EYS: variants seen among roughly 807,000 people sequenced by gnomAD.
EYS encodes protein eyes shut homolog.
A neutral mutation model predicts 282.1 loss-of-function variants in EYS; 250 were observed. The ratio of observed to expected loss-of-function variants is 0.89; its 90% CI spans 0.80 to 0.98. The LOEUF (loss-of-function observed/expected upper bound fraction) is 0.98. EYS is among the 50% of genes least tolerant of loss of function. The pLI, the probability that EYS is intolerant of heterozygous loss-of-function variation, is 0.00. For synonymous variants in EYS, 1,355 were observed against 1,282.9 expected (o/e 1.06, Z -1.20); for missense variants, 4,016 against 3,709.0 (o/e 1.08, Z -2.15).
chr6:65,408,192 G>T (rs187775256), intron 5 of EYS, among the ~76,000 whole-genome samples: 395 of 152,156 alleles, frequency 2.6e-3, no homozygotes, highest in Middle Eastern at 6.8e-3. Flanking sequence ...GATTCAATTT[G>T]CTTATATTTT....
At chr6:65,664,161 C>T (rs777353968) in intron 1 of EYS, among the ~76,000 whole-genome samples, 3 of 152,152 alleles carry the variant, frequency 2.0e-5, no homozygotes, top group Admixed American at 2.0e-4. Flanking sequence ...TGAGCCACCG[C>T]GCCCGGCCCA....
intron 33 of EYS, among the ~76,000 whole-genome samples, chr6:64,056,428 T>A (rs1228384207): frequency 1.3e-5 from 2 of 152,180 alleles, no homozygotes; most frequent in Non-Finnish European, 2.9e-5. Flanking sequence ...GACTTTACTT[T>A]TTCCTATTCT....
chr6:64,913,419 C>G (rs921023199), intron 15 of EYS, among the ~76,000 whole-genome samples: 1 of 151,988 alleles, frequency 6.6e-6, no homozygotes, highest in Non-Finnish European at 1.5e-5. Flanking sequence ...TCCCTGCTCA[C>G]TTTTGGAGTT....
chr6:64,994,059 A>G (rs1387534635), intron 14 of EYS, among the ~76,000 whole-genome samples: 2 of 151,958 alleles, frequency 1.3e-5, no homozygotes, highest in African/African-American at 4.8e-5. Context: ...GAGGGGAAAT[A>G]CTAGATTAAT....
At chr6:64,109,527 C>G (rs941925339) in intron 31 of EYS, among the ~76,000 whole-genome samples, 1 of 152,036 alleles carries the variant, frequency 6.6e-6, no homozygotes, top group Non-Finnish European at 1.5e-5. Context: ...ATCTCATGCA[C>G]TGGAAATAAT....
intron 29 of EYS, among the ~76,000 whole-genome samples, chr6:64,331,059 G>C (rs1265978185): frequency 1.3e-5 from 2 of 152,174 alleles, no homozygotes; most frequent in African/African-American, 4.8e-5. Flanking sequence ...TGGATATGCA[G>C]TGGTAACACT....
At chr6:64,689,476 C>T (rs1271096375) in intron 22 of EYS, among the ~76,000 whole-genome samples, 1 of 151,554 alleles carries the variant, frequency 6.6e-6, no homozygotes, top group Non-Finnish European at 1.5e-5. Flanking sequence ...AAAAAAACTA[C>T]TTTAAAGTTC....
At chr6:64,999,747 C>A (rs1411572384) in intron 13 of EYS, among the ~76,000 whole-genome samples, 2 of 152,172 alleles carry the variant, frequency 1.3e-5, no homozygotes, top group Non-Finnish European at 2.9e-5. Context: ...GGTGGCTGCA[C>A]ATCAGGAGGA....
intron 2 of EYS, among the ~76,000 whole-genome samples, chr6:65,628,696 C>T (rs899035175): frequency 4.6e-5 from 7 of 151,746 alleles, no homozygotes; most frequent in African/African-American, 7.3e-5. Context: ...AGCTTCACTC[C>T]TGAGCCAGCA....
intron 22 of EYS, among the ~76,000 whole-genome samples, chr6:64,709,885 T>C (rs1242184546): frequency 1.3e-5 from 2 of 152,226 alleles, no homozygotes; most frequent in Non-Finnish European, 2.9e-5. Flanking sequence ...ATTTTTAACC[T>C]GGTTTTTTTC....
intron 14 of EYS, among the ~76,000 whole-genome samples, chr6:64,994,081 T>C (rs140450882): frequency 2.4e-4 from 36 of 152,110 alleles, no homozygotes; most frequent in Non-Finnish European, 4.4e-4. Flanking sequence ...TGATCATACA[T>C]ATTTAAATAA....
intron 2 of EYS, among the ~76,000 whole-genome samples, chr6:65,545,898 T>C (rs1282379998): frequency 1.3e-5 from 2 of 152,150 alleles, no homozygotes; most frequent in Admixed American, 6.5e-5. Flanking sequence ...ATAGTTACAC[T>C]TGTATACACT....
chr6:64,267,174 C>T (rs1422810964), intron 30 of EYS, among the ~76,000 whole-genome samples: 1 of 151,996 alleles, frequency 6.6e-6, no homozygotes, highest in African/African-American at 2.4e-5. Context: ...TTTATTTATC[C>T]TAACTTTTTT....
In EYS at chr6:64,295,558, G is replaced by GAAGAAGAA. The variant is rs1261498586; in HGVS notation, c.6191+11404_6191+11411dup. 1.8e-3 allele frequency among the ~76,000 whole-genome samples: 77 copies of GAAGAAGAA among 43,518 alleles called. 26 individuals carry two copies. Among genetic ancestry groups the GAAGAAGAA allele is most frequent in the African/African-American group, 8.5e-3 (59 of 6,926 alleles). 28.5% of individuals were successfully genotyped at this position (43,518 alleles called of 152,430 possible). A position where few individuals can be genotyped will look rare whatever the true frequency, so the allele number is the denominator to read the frequency against. On this transcript the variant is annotated intron_variant, in intron 30 of 42. Transcript: ENST00000503581. The stretch of plus-strand genomic sequence containing the variant: ...AGAAAGAAGAAGAAAGAAGAAGAAA[G>GAAGAAGAA]AAGAAGAAAAGAAGAAGAAAATTAG...
intron 29 of EYS, among the ~76,000 whole-genome samples, chr6:64,373,941 G>A (rs1001300698): frequency 6.6e-6 from 1 of 152,026 alleles, no homozygotes; most frequent in Admixed American, 6.6e-5. Context: ...GAGCTAATAG[G>A]CATTAGCTGC....
chr6:65,598,044 G>A (rs1765469655), intron 2 of EYS, among the ~76,000 whole-genome samples: 2 of 151,998 alleles, frequency 1.3e-5, no homozygotes, highest in South Asian at 2.1e-4. Context: ...AGGCTGCAGT[G>A]AGCTGTGATC....
intron 22 of EYS, among the ~76,000 whole-genome samples, chr6:64,784,842 A>G (rs1401182564): frequency 6.6e-6 from 1 of 152,106 alleles, no homozygotes; most frequent in African/African-American, 2.4e-5. Context: ...TCTGATGTGT[A>G]AAGTGTCTCT....
chr6:65,294,002 A>G (rs1384834378), intron 12 of EYS, among the ~76,000 whole-genome samples: 3 of 151,878 alleles, frequency 2.0e-5, no homozygotes, highest in South Asian at 2.1e-4. Context: ...TGGAGGGGGG[A>G]AAAGAGACAG....
At chr6:65,176,512 A>T (rs1192205722) in intron 12 of EYS, among the ~76,000 whole-genome samples, 2 of 151,682 alleles carry the variant, frequency 1.3e-5, no homozygotes, top group East Asian at 1.9e-4. Flanking sequence ...AAAAACTATA[A>T]CAATAGTAAA....
Sources: allele counts gnomAD v4.1 joint callset (sites outside exome capture counted in the v4.1 genomes callset), GRCh38; gene constraint gnomAD v4.1.1; transcripts MANE v1.5; gene names NCBI Gene and HGNC (gene_info 2026-07-23, HGNC 2026-07-21).